The following SYNE1 variants were observed in gnomAD, a reference collection of about 807,000 sequenced individuals.
SYNE1 encodes the protein nesprin-1.
SYNE1 carries 616 observed loss-of-function variants against 1,111.0 expected under a neutral mutation model. The observed-to-expected ratio is 0.55, with a 90% CI of 0.52 to 0.59. SYNE1 has a LOEUF of 0.59. Among genes scored for constraint, SYNE1 ranks in the 20% least tolerant of loss-of-function variants. SYNE1 has a pLI of 0.00. For missense variants in SYNE1, 10,006 were observed against 10,417.0 expected (o/e 0.96, Z 1.72); for synonymous variants, 3,855 against 3,825.8 (o/e 1.01, Z -0.28).
At chr6:152,423,365 T>C (rs1267908093) in intron 39 of SYNE1, among the ~76,000 whole-genome samples, 1 of 152,234 alleles carries the variant, frequency 6.6e-6, no homozygotes, top group East Asian at 1.9e-4. Context: ...GCCTTTTCTA[T>C]TAATCTGCCT....
At position 152,373,099 on chromosome 6, in the gene SYNE1, C is replaced by T; in HGVS notation, c.9445G>A (p.Ala3149Thr). 1 of 1,614,134 alleles carries T rather than the reference C, an allele frequency of 6.2e-7. No homozygotes were observed. The highest frequency in any genetic ancestry group is 1.6e-4 in the Middle Eastern group (1 of 6,062). ...AAATTTTTCCAATCTTCTTTTGCAG[C>T]TGTAACTTTGGCCTGGATCCCTTTC... is the stretch of plus-strand genomic sequence containing the variant. ...KAKGIQAKVT[A>T]AKEDWKNFHS... The change falls in exon 59 of 146, where the codon GCT becomes ACT. Residue 3149 changes from alanine to threonine, a missense_variant. Ala to Thr is a moderately conservative substitution (Grantham distance 58, BLOSUM62 0). Around this residue, in one of 7 missense-constraint regions of SYNE1, gnomAD observed 4,955 missense variants for 5,017.2 expected, o/e 0.99. Transcript: ENST00000367255.
At chr6:152,405,857 G>A (rs1592032947) in intron 45 of SYNE1, among the ~76,000 whole-genome samples, 1 of 152,158 alleles carries the variant, frequency 6.6e-6, no homozygotes, top group Admixed American at 6.6e-5. Flanking sequence ...CTTTGGATCA[G>A]AGACAAATAA....
At position 152,269,275 on chromosome 6, in the gene SYNE1, C is replaced by G. The variant is rs1274408833; in HGVS notation, c.18585G>C (p.Gln6195His). Residue 6195 changes from glutamine (Q) to histidine (H), a missense_variant, in exon 99 of 146, where the codon CAG (glutamine) becomes CAC (histidine). By Grantham distance (24) the Gln-to-His change is conservative. Around this residue, in one of 7 missense-constraint regions of SYNE1, gnomAD observed 2,182 missense variants for 2,287.8 expected, o/e 0.95. Transcript: ENST00000367255. ...DKQLNMQGTAQEKEESDVDLT... is the reference protein window; with the variant it reads ...DKQLNMQGTAHEKEESDVDLT... Reference sequence around the variant, plus strand: ...GGTCAACATCGCTCTCCTCCTTCTCCTGTGCTGTTCCCTGCTTTTAACGAG... The same window carrying G: ...GGTCAACATCGCTCTCCTCCTTCTCGTGTGCTGTTCCCTGCTTTTAACGAG... The G allele has an allele frequency of 1.2e-6, 2 of 1,614,058 alleles. No individual in the cohort carries two copies. Among genetic ancestry groups the G allele is most frequent in the African/African-American group, 1.3e-5 (1 of 74,930 alleles).
At chr6:152,430,375 C>A in intron 35 of SYNE1, 107 bp downstream of exon 35, 1 of 1,205,266 alleles carries the variant, frequency 8.3e-7, no homozygotes, top group South Asian at 1.3e-5. Flanking sequence ...CATTATTTCA[C>A]AAATTATGTC....
rs549812527 is a variant in SYNE1, at chr6:152,462,888, A to G, written c.2100T>C (p.Tyr700=). The G allele has an allele frequency of 6.2e-7, 1 of 1,613,906 alleles. No individual in the cohort carries two copies. Among genetic ancestry groups the G allele is most frequent in the East Asian group, 2.2e-5 (1 of 44,854 alleles). Residue 700 remains tyrosine, a splice_region_variant and synonymous_variant, in exon 20 of 146, where the codon TAT becomes TAC. Transcript: ENST00000367255. The part of the protein sequence containing the change: ...WRELFMEVKQ[Y]AQADEMDRMK... ...TTCTGTCCATCTCATCAGCTTGAGC[A>G]TACTGTTAAGGAAAGGGAGGAGGGA...
intron 14 of SYNE1, among the ~76,000 whole-genome samples, chr6:152,476,338 C>T (rs1192444408): frequency 6.6e-6 from 1 of 152,158 alleles, no homozygotes; most frequent in African/African-American, 2.4e-5. Flanking sequence ...TGCACAGCCC[C>T]CAAATCATAG....
intron 5 of SYNE1, among the ~76,000 whole-genome samples, chr6:152,522,309 AT>A (rs925593094): frequency 5.3e-5 from 8 of 152,182 alleles, no homozygotes; most frequent in African/African-American, 1.9e-4. Context: ...AATATATAGT[AT>A]TTAGTTTTCA....
chr6:152,567,997 C>A (rs1266127676), intron 3 of SYNE1, among the ~76,000 whole-genome samples: 2 of 151,840 alleles, frequency 1.3e-5, no homozygotes, highest in Non-Finnish European at 2.9e-5. Context: ...TTAGGGAAAA[C>A]TAGAGGGCAA....
chr6:152,623,441 AC>A (rs2099679749), intron 3 of SYNE1, among the ~76,000 whole-genome samples: 2 of 152,198 alleles, frequency 1.3e-5, no homozygotes, highest in African/African-American at 4.8e-5. Context: ...CCTGGGCAAT[AC>A]CATTCATGAC....
intron 117 of SYNE1, among the ~76,000 whole-genome samples, chr6:152,222,999 T>TCATAAAACTCCACAGTTTTATGA (rs2080532628): frequency 6.6e-6 from 1 of 152,172 alleles, no homozygotes; most frequent in Admixed American, 6.5e-5. Context: ...GGTGACAGAC[T>TCATAAAACTCCACAGTTTTATGA]CAGTTCTTCA....
intron 3 of SYNE1, among the ~76,000 whole-genome samples, chr6:152,545,278 T>C (rs1595065381): frequency 6.6e-6 from 1 of 152,160 alleles, no homozygotes; most frequent in African/African-American, 2.4e-5. Context: ...TCACATTTAA[T>C]ATATATATTA....
Position 152,326,023 on chromosome 6 carries a change from A to C in SYNE1, c.15373T>G (p.Ser5125Ala). 1 of 1,614,204 alleles carries C rather than the reference A, an allele frequency of 6.2e-7. No individual in the cohort carries two copies. Among genetic ancestry groups the C allele is most frequent in the Non-Finnish European group, 8.5e-7 (1 of 1,180,026 alleles). Residue 5125 changes from serine (S) to alanine (A), a missense_variant, in exon 80 of 146, where the codon TCT becomes GCT. Around this residue, in one of 7 missense-constraint regions of SYNE1, gnomAD observed 4,955 missense variants for 5,017.2 expected, o/e 0.99. Coordinates refer to ENST00000367255, the MANE Select transcript of SYNE1 (RefSeq NM_182961.4). Reference sequence around the variant, plus strand: ...GAAGTCTTCAACAAAGAAAACTCAGACAATTTCTTTTCTGTATCATTCATC... The same window carrying C: ...GAAGTCTTCAACAAAGAAAACTCAGCCAATTTCTTTTCTGTATCATTCATC... ...ELMNDTEKKL[S>A]EFSLLKTSSS...
chr6:152,142,814 T>C (rs1313336674), intron 138 of SYNE1, among the ~76,000 whole-genome samples: 1 of 152,190 alleles, frequency 6.6e-6, no homozygotes, highest in East Asian at 1.9e-4. Flanking sequence ...AATCAACATA[T>C]ATAGCTAGAA....
intron 42 of SYNE1, among the ~76,000 whole-genome samples, chr6:152,412,851 A>ATCTTTTTTTT (rs2098086429): frequency 7.6e-6 from 1 of 131,662 alleles, no homozygotes; most frequent in Non-Finnish European, 1.6e-5. Flanking sequence ...TTCACATGTA[A>ATCTTTTTTTT]TTTTTTTTTT....
In SYNE1 at chr6:152,462,744, G is replaced by A; in HGVS notation, c.2244C>T (p.Asp748=). 6.2e-7 allele frequency: 1 copy of A among 1,613,966 alleles called. No individual in the cohort carries two copies. Among genetic ancestry groups the A allele is most frequent in the Non-Finnish European group, 8.5e-7 (1 of 1,179,942 alleles). ...TGATTCAGAAACCCCTCACCTCCAA[G>A]TCTTGAATTAATAGCTTGACATTCA... ...SFMNVKLLIQ[D]LEDIEQRVPV... is the part of the protein sequence containing the mutation. The change falls in exon 20 of 146, where the codon GAC becomes GAT. Residue 748 remains aspartate (D), a synonymous_variant. Coordinates refer to ENST00000367255, the MANE Select transcript of SYNE1 (RefSeq NM_182961.4).
chr6:152,502,757 A>C lies in SYNE1; in HGVS notation c.779-15T>G. 6.5e-7 allele frequency: 1 copy of C among 1,545,244 alleles called. No individual in the cohort carries two copies. The highest frequency in any genetic ancestry group is 8.9e-7 in the Non-Finnish European group (1 of 1,118,156). Reference sequence around the variant, plus strand: ...CACATCAACGTCTGAAAAAACAAAAAAGAAATGTGAATAAACTAATTAGCA... The same window carrying C: ...CACATCAACGTCTGAAAAAACAAAACAGAAATGTGAATAAACTAATTAGCA... On this transcript the variant is annotated splice_polypyrimidine_tract_variant and intron_variant, in intron 9 of 145. Coordinates refer to ENST00000367255, the MANE Select transcript of SYNE1 (RefSeq NM_182961.4).
At chr6:152,570,251 T>C (rs568261315) in intron 3 of SYNE1, among the ~76,000 whole-genome samples, 1 of 152,370 alleles carries the variant, frequency 6.6e-6, no homozygotes, top group South Asian at 2.1e-4. Context: ...GTTTATTTCC[T>C]CTATATTATG....
chr6:152,158,742 A>T lies in SYNE1; in HGVS notation c.23791-2645T>A, dbSNP rs1308645619. 2.6e-5 allele frequency among the ~76,000 whole-genome samples: 4 copies of T among 152,224 alleles called. No individual in the cohort carries two copies. In the East Asian group the frequency reaches 7.7e-4, roughly 29 times the overall value. On this transcript the variant is annotated intron_variant, in intron 131 of 145. Coordinates refer to ENST00000367255, the MANE Select transcript of SYNE1 (RefSeq NM_182961.4). ...TTACCAAGTACATTTGAGGTCTTAA[A>T]CTACATTTTGTGCAAGCATATACAT...
intron 3 of SYNE1, among the ~76,000 whole-genome samples, chr6:152,567,557 A>G (rs1443866485): frequency 6.6e-6 from 1 of 152,180 alleles, no homozygotes; most frequent in African/African-American, 2.4e-5. Context: ...CAAAGGCAAC[A>G]GAGAAGAATA....
Sources: gnomAD v4.1 joint callset for allele counts (sites outside exome capture counted in the v4.1 genomes callset) on GRCh38, gnomAD v4.1.1 for gene constraint, gnomAD v4.1.1 regional missense constraint, MANE v1.5 for transcripts, NCBI Gene and HGNC (gene_info 2026-07-23, HGNC 2026-07-21) for gene names.